The following TMEM178B variants were observed in gnomAD, a reference collection of about 807,000 sequenced individuals.
TMEM178B encodes the protein transmembrane protein 178B.
A neutral mutation model predicts 31.0 loss-of-function variants in TMEM178B; 5 were observed. The observed-to-expected ratio is 0.16, with a 90% confidence interval of 0.08 to 0.34. The LOEUF (loss-of-function observed/expected upper bound fraction) is 0.34, where lower values mean the gene tolerates loss of function less well. TMEM178B is among the 10% of genes least tolerant of loss of function. The pLI, the probability that TMEM178B is intolerant of heterozygous loss-of-function variation, is 1.00. For synonymous variants in TMEM178B, 164 were observed against 164.0 expected, an observed-to-expected ratio of 1.00 and a Z score of 0.00; for missense variants, 275 against 400.3, an observed-to-expected ratio of 0.69 and a Z score of 2.67.
rs569229168 is a variant in TMEM178B, at chr7:141,101,070, T to C, written c.382+26378T>C. ...TCTTTGGAAAGGAGATAATGTAAAT[T>C]TCCACAGGCTCGATTTGATTACTTT... On this transcript the variant is annotated intron_variant, in intron 1 of 3. Transcript: ENST00000565468. Among the ~76,000 whole-genome samples the C allele has an allele frequency of 1.2e-4, 18 of 152,358 alleles. No homozygotes were observed. The East Asian group carries it at 3.1e-3, about 26-fold the overall frequency.
At chr7:141,141,566 C>T (rs28669959) in intron 1 of TMEM178B, among the ~76,000 whole-genome samples, 9,262 of 152,220 alleles carry the variant, frequency 0.061, 948 homozygotes, top group African/African-American at 0.21. Context: ...TCTGTCTCCC[C>T]ACATATATTG....
chr7:141,251,281 C>T (rs865944538), intron 2 of TMEM178B, among the ~76,000 whole-genome samples: 9 of 151,658 alleles, frequency 5.9e-5, no homozygotes, highest in Non-Finnish European at 1.0e-4. Flanking sequence ...CAGAAGCACC[C>T]GCAGGAATCA....
At chr7:141,114,595 G>T (rs1002738577) in intron 1 of TMEM178B, among the ~76,000 whole-genome samples, 4 of 152,218 alleles carry the variant, frequency 2.6e-5, no homozygotes, top group African/African-American at 4.8e-5. Flanking sequence ...CCTTTGGGCA[G>T]GTGATTCTGA....
chr7:141,372,454 C>T lies in TMEM178B; in HGVS notation c.497-65154C>T, dbSNP rs150104967. Among the ~76,000 whole-genome samples the T allele has an allele frequency of 1.2e-3, 179 of 152,268 alleles. 2 individuals are homozygous for T. The highest frequency in any genetic ancestry group is 4.1e-3 in the African/African-American group (172 of 41,534). On this transcript the variant is annotated intron_variant, in intron 2 of 3. Coordinates refer to ENST00000565468, the MANE Select transcript of TMEM178B (RefSeq NM_001195278.2). The stretch of plus-strand genomic sequence containing the variant: ...ACCCTTCACCTCCTTCAGGTCTTTA[C>T]TCAAATGTTACCTTCTCAGTGGGAC...
At chr7:141,116,032 G>A (rs1233339748) in intron 1 of TMEM178B, among the ~76,000 whole-genome samples, 2 of 152,174 alleles carry the variant, frequency 1.3e-5, no homozygotes, top group Non-Finnish European at 2.9e-5. Flanking sequence ...AAATGAAATT[G>A]CTCTTGGCAA....
At chr7:141,349,950 T>A (rs954271479) in intron 2 of TMEM178B, among the ~76,000 whole-genome samples, 2 of 151,590 alleles carry the variant, frequency 1.3e-5, no homozygotes. Context: ...CATCCATGCA[T>A]CCATGCATCC....
chr7:141,163,906 A>AT (rs897515935), intron 1 of TMEM178B, among the ~76,000 whole-genome samples: 2 of 152,278 alleles, frequency 1.3e-5, no homozygotes, highest in South Asian at 2.1e-4. Flanking sequence ...ACACTGAATG[A>AT]TTTTTTTAGT....
chr7:141,438,064 G>A (rs1801582213), intron 3 of TMEM178B, among the ~76,000 whole-genome samples: 1 of 152,140 alleles, frequency 6.6e-6, no homozygotes, highest in Non-Finnish European at 1.5e-5. Flanking sequence ...CCTGGAACAA[G>A]CATGAGCCCA....
At chr7:141,419,419 C>A (rs1374002971) in intron 2 of TMEM178B, among the ~76,000 whole-genome samples, 1 of 152,126 alleles carries the variant, frequency 6.6e-6, no homozygotes, top group Non-Finnish European at 1.5e-5. Flanking sequence ...ATCACTAATT[C>A]CTAACAGTCT....
intron 2 of TMEM178B, among the ~76,000 whole-genome samples, chr7:141,367,667 G>A (rs1365887400): frequency 6.6e-6 from 1 of 152,070 alleles, no homozygotes; most frequent in Non-Finnish European, 1.5e-5. Flanking sequence ...AGATCTTATT[G>A]GTCAATACAC....
At chr7:141,153,665 T>G (rs1277751854) in intron 1 of TMEM178B, among the ~76,000 whole-genome samples, 1 of 152,246 alleles carries the variant, frequency 6.6e-6, no homozygotes, top group East Asian at 1.9e-4. Flanking sequence ...TTTTCTCATG[T>G]GAAAAATACC....
intron 2 of TMEM178B, among the ~76,000 whole-genome samples, chr7:141,333,556 A>G (rs1310084816): frequency 6.6e-6 from 1 of 152,212 alleles, no homozygotes; most frequent in East Asian, 1.9e-4. Flanking sequence ...TTTGAGAGAA[A>G]TGCCTGCATT....
At chr7:141,364,147 C>CA (rs1300138528) in intron 2 of TMEM178B, among the ~76,000 whole-genome samples, 2 of 152,094 alleles carry the variant, frequency 1.3e-5, no homozygotes, top group Non-Finnish European at 2.9e-5. Flanking sequence ...CTGCCTACAA[C>CA]AAAAAATGTG....
chr7:141,215,027 A>G (rs891811242), intron 2 of TMEM178B, among the ~76,000 whole-genome samples: 15 of 152,172 alleles, frequency 9.9e-5, no homozygotes, highest in Non-Finnish European at 4.4e-5. Flanking sequence ...GCAGGTGAGC[A>G]TCTGTCACAA....
chr7:141,400,603 G>T (rs1176744334), intron 2 of TMEM178B, among the ~76,000 whole-genome samples: 1 of 152,200 alleles, frequency 6.6e-6, no homozygotes, highest in Non-Finnish European at 1.5e-5. Context: ...CTTTACATCA[G>T]AGTTAAGTCT....
intron 1 of TMEM178B, among the ~76,000 whole-genome samples, chr7:141,075,836 T>A (rs887742883): frequency 2.6e-5 from 4 of 152,244 alleles, no homozygotes; most frequent in African/African-American, 9.6e-5. Flanking sequence ...TGAGGTTTGC[T>A]GCTGTATTAA....
At chr7:141,505,418 TA>T in the TMEM178B span, among the ~76,000 whole-genome samples, 1 of 152,226 alleles carries the variant, frequency 6.6e-6, no homozygotes, top group Admixed American at 6.5e-5. Context: ...TGCTCATTAT[TA>T]TCTGTGTGCC....
At chr7:141,270,770 G>A (rs1040834130) in intron 2 of TMEM178B, among the ~76,000 whole-genome samples, 13 of 152,162 alleles carry the variant, frequency 8.5e-5, no homozygotes, top group African/African-American at 4.8e-5. Context: ...CCTTAGTAAC[G>A]ATGTCGTTAT....
intron 1 of TMEM178B, among the ~76,000 whole-genome samples, chr7:141,146,720 A>G (rs1402875856): frequency 6.6e-6 from 1 of 152,158 alleles, no homozygotes; most frequent in Non-Finnish European, 1.5e-5. Flanking sequence ...GGCTTAGTGA[A>G]TGTTGGTGAA....
Sources: allele counts gnomAD v4.1 joint callset (sites outside exome capture counted in the v4.1 genomes callset), GRCh38; gene constraint gnomAD v4.1.1; transcripts MANE v1.5; gene names NCBI Gene and HGNC (gene_info 2026-07-23, HGNC 2026-07-21).